SRGAP2: variants seen among roughly 807,000 people sequenced by gnomAD.
The protein encoded by SRGAP2 is SLIT-ROBO Rho GTPase activating protein 2, also known as SLIT-ROBO Rho GTPase-activating protein 2.
Under a neutral mutation model 57.2 loss-of-function variants are expected in SRGAP2, and 15 were observed. The observed-to-expected ratio is 0.26, with a 90% CI of 0.18 to 0.40. SRGAP2 has a LOEUF of 0.40. Ranked by LOEUF, SRGAP2 falls within the 10% of genes least tolerant of loss-of-function variation. The pLI, the probability that SRGAP2 is intolerant of heterozygous loss-of-function variation, is 1.00. For missense variants in SRGAP2, 520 were observed against 669.6 expected (o/e 0.78, Z 2.47); for synonymous variants, 249 against 248.0 (o/e 1.00, Z -0.04).
intron 2 of SRGAP2, among the ~76,000 whole-genome samples, chr1:206,248,343 A>G (rs1384341129): frequency 3.9e-5 from 6 of 152,142 alleles, no homozygotes; most frequent in African/African-American, 1.4e-4. Flanking sequence ...CCTCTCAGGG[A>G]AATAACCAAG....
intron 2 of SRGAP2, among the ~76,000 whole-genome samples, chr1:206,277,222 TG>T (rs1670468001): frequency 1.5e-5 from 2 of 137,778 alleles, no homozygotes; most frequent in Non-Finnish European, 3.1e-5. Context: ...AAAATTTTGG[TG>T]ACTTTCACAG....
At chr1:206,455,414 T>C (rs1663747181) in intron 21 of SRGAP2, 2 of 241,956 alleles carry the variant, frequency 8.3e-6, no homozygotes, top group Non-Finnish European at 1.6e-5. Context: ...CAAATAATAG[T>C]CTTTGATGTC....
chr1:206,349,594 A>G (rs1675893680), intron 4 of SRGAP2, among the ~76,000 whole-genome samples: 1 of 141,362 alleles, frequency 7.1e-6, no homozygotes, highest in African/African-American at 2.6e-5. Flanking sequence ...TGCAGATATG[A>G]CTAATTTAAG....
intron 2 of SRGAP2, among the ~76,000 whole-genome samples, chr1:206,278,918 A>AC: frequency 6.6e-6 from 1 of 150,548 alleles, no homozygotes; most frequent in Admixed American, 6.6e-5. Context: ...CGGAAGTACT[A>AC]GGAGATGAGG....
chr1:206,314,337 T>G (rs1245837134), intron 3 of SRGAP2, among the ~76,000 whole-genome samples: 1 of 152,214 alleles, frequency 6.6e-6, no homozygotes, highest in African/African-American at 2.4e-5. Context: ...CTTCTCCATG[T>G]TGGTCAGGTT....
chr1:206,421,152 G>A, intron 12 of SRGAP2, 98 bp from the exon 13 acceptor site: 1 of 609,918 alleles, frequency 1.6e-6, no homozygotes. Flanking sequence ...CTTTACTTCT[G>A]GGTTTAAGAG....
intron 14 of SRGAP2, among the ~76,000 whole-genome samples, chr1:206,432,202 G>A (rs534102225): frequency 1.3e-5 from 2 of 152,300 alleles, no homozygotes; most frequent in East Asian, 3.9e-4. Context: ...CTGAAAAGTG[G>A]GCAGGTTCCA....
intron 14 of SRGAP2, among the ~76,000 whole-genome samples, chr1:206,432,465 T>C (rs1661358146): frequency 2.0e-5 from 3 of 152,204 alleles, no homozygotes; most frequent in South Asian, 4.1e-4. Context: ...CAAAAATGCA[T>C]GCGCACAAGG....
chr1:206,331,758 A>G (rs1674374561), intron 3 of SRGAP2, among the ~76,000 whole-genome samples: 1 of 109,654 alleles, frequency 9.1e-6, no homozygotes, highest in Non-Finnish European at 1.7e-5. Flanking sequence ...TTGACTCTTT[A>G]TCCAACTTGC....
intron 3 of SRGAP2, among the ~76,000 whole-genome samples, chr1:206,340,538 C>T (rs1553334904): frequency 6.6e-6 from 1 of 152,084 alleles, no homozygotes; most frequent in Non-Finnish European, 1.5e-5. Flanking sequence ...TCCATCTTCT[C>T]CCTTAAGAAA....
chr1:206,332,859 C>A (rs1318163919), intron 3 of SRGAP2, among the ~76,000 whole-genome samples: 1 of 150,988 alleles, frequency 6.6e-6, no homozygotes, highest in Non-Finnish European at 1.5e-5. Flanking sequence ...TGAGGAACTG[C>A]GTTCCTTTGG....
At chr1:206,263,744 C>G (rs1333178117) in intron 2 of SRGAP2, among the ~76,000 whole-genome samples, 9 of 152,064 alleles carry the variant, frequency 5.9e-5, no homozygotes, top group Non-Finnish European at 1.2e-4. Context: ...AGTCTCTTCT[C>G]TAATGGAGAT....
intron 11 of SRGAP2, 148 bp from the exon 12 acceptor site, chr1:206,419,225 G>GTCTC (rs371788234): frequency 1.6e-6 from 1 of 618,708 alleles, no homozygotes. Flanking sequence ...GTCTCTCTCT[G>GTCTC]TCTCTCTCTC....
intron 4 of SRGAP2, among the ~76,000 whole-genome samples, chr1:206,381,507 TGGAAA>T (rs1485229345): frequency 2.0e-5 from 1 of 50,026 alleles, no homozygotes; most frequent in African/African-American, 8.4e-5. Context: ...TTCCTCTCAA[TGGAAA>T]GGACAGGCTG....
intron 4 of SRGAP2, among the ~76,000 whole-genome samples, chr1:206,376,920 A>G (rs1655256925): frequency 6.6e-6 from 1 of 150,934 alleles, no homozygotes. Context: ...TATATTGTTT[A>G]GTTCTTGTCA....
chr1:206,439,969 T>C lies in SRGAP2; in HGVS notation c.1769-7T>C, dbSNP rs1553371352. The stretch of plus-strand genomic sequence containing the variant: ...TGGAGGATAACACATGGCTTTCTTC[T>C]TTTCAGCAATGGACAACCTGCAGGA... On this transcript the variant is annotated splice_region_variant and splice_polypyrimidine_tract_variant and intron_variant, in intron 16 of 22. Coordinates refer to ENST00000573034, the MANE Select transcript of SRGAP2 (RefSeq NM_015326.5). 1 of 780,640 alleles carries C rather than the reference T, an allele frequency of 1.3e-6. No individual in the cohort carries two copies. Among genetic ancestry groups the C allele is most frequent in the Non-Finnish European group, 2.4e-6 (1 of 417,882 alleles). The allele number at this position is 780,640 out of a possible 1,614,324, so 48.4% of individuals were successfully genotyped here. A position where few individuals can be genotyped will look rare whatever the true frequency, so the allele number is the denominator to read the frequency against.
chr1:206,399,826 G>A (rs1158422623), intron 7 of SRGAP2, among the ~76,000 whole-genome samples: 5 of 152,298 alleles, frequency 3.3e-5, no homozygotes, highest in South Asian at 4.1e-4. Flanking sequence ...GCCCATGCCC[G>A]TGCAGAGTCC....
intron 2 of SRGAP2, among the ~76,000 whole-genome samples, chr1:206,245,340 TTG>T (rs1473901470): frequency 1.3e-5 from 2 of 151,864 alleles, no homozygotes; most frequent in East Asian, 3.9e-4. Context: ...TCACACTTAC[TTG>T]TACTGGCTTA....
In SRGAP2 at chr1:206,453,248, C is replaced by A; in HGVS notation, c.2228C>A (p.Thr743Lys). ...AIAKFDYVGR[T>K]ARELSFKKGA... The stretch of plus-strand genomic sequence containing the variant: ...GCCAAGTTTGACTACGTGGGCCGGA[C>A]AGCCCGAGAGCTATCCTTTAAGAAG... Residue 743 changes from threonine to lysine, a missense_variant, in exon 20 of 23, where the codon ACA (threonine) becomes AAA (lysine). Thr to Lys is a moderately conservative substitution (Grantham distance 78). This residue lies in a region of SRGAP2 where 478 missense variants were observed against 373.6 expected (regional missense o/e 1.28). Coordinates refer to ENST00000573034, the MANE Select transcript of SRGAP2 (RefSeq NM_015326.5). 1 of 672,006 alleles carries A rather than the reference C, an allele frequency of 1.5e-6. No individual in the cohort carries two copies. Among genetic ancestry groups the A allele is most frequent in the Admixed American group, 2.1e-5 (1 of 46,796 alleles). 41.6% of individuals were successfully genotyped at this position (672,006 alleles called of 1,614,324 possible). A position where few individuals can be genotyped will look rare whatever the true frequency, so the allele number is the denominator to read the frequency against.
Sources: gnomAD v4.1 joint callset for allele counts (sites outside exome capture counted in the v4.1 genomes callset) on GRCh38, gnomAD v4.1.1 for gene constraint, gnomAD v4.1.1 regional missense constraint, MANE v1.5 for transcripts, NCBI Gene and HGNC (gene_info 2026-07-23, HGNC 2026-07-21) for gene names.